The following MTM1 variants were observed in gnomAD, a reference collection of about 807,000 sequenced individuals.
The protein encoded by MTM1 is myotubularin 1.
A neutral mutation model predicts 52.1 loss-of-function variants in MTM1; 9 were observed. The ratio of observed to expected loss-of-function variants is 0.17; its 90% CI spans 0.10 to 0.30. The LOEUF (loss-of-function observed/expected upper bound fraction) is 0.30. Ranked by LOEUF, MTM1 falls within the 10% of genes least tolerant of loss-of-function variation. The pLI, the probability that MTM1 is intolerant of heterozygous loss-of-function variation, is 1.00. For missense variants in MTM1, 277 were observed against 470.7 expected (o/e 0.59, Z 3.81); for synonymous variants, 136 against 163.8 (o/e 0.83, Z 1.29).
chrX:150,606,723 T>G (rs2039163844), intron 4 of MTM1, among the ~76,000 whole-genome samples: 1 of 111,313 alleles, frequency 9.0e-6, no homozygotes, highest in African/African-American at 3.3e-5. Flanking sequence ...TTGGTTATTC[T>G]GTGTCTTACA....
At chrX:150,563,950 C>T (rs904577939), upstream of MTM1, among the ~76,000 whole-genome samples, 8 of 111,501 alleles carry the variant, frequency 7.2e-5, no homozygotes, top group East Asian at 1.7e-3. Context: ...CAGTGAAATT[C>T]GCCCATCTCA....
chrX:150,609,648 C>G (rs1292507215), intron 4 of MTM1, among the ~76,000 whole-genome samples: 7 of 111,681 alleles, frequency 6.3e-5, no homozygotes, highest in Non-Finnish European at 1.1e-4. Flanking sequence ...AAAACCCCCT[C>G]CTGTGTTCTT....
At chrX:150,632,119 G>T (rs2039681741) in intron 6 of MTM1, among the ~76,000 whole-genome samples, 1 of 111,764 alleles carries the variant, frequency 8.9e-6, no homozygotes, top group Admixed American at 9.5e-5. Flanking sequence ...CCCACTTCCT[G>T]TTCCCAAGGA....
At chrX:150,594,133 A>G (rs2038936254) in intron 2 of MTM1, among the ~76,000 whole-genome samples, 1 of 107,558 alleles carries the variant, frequency 9.3e-6, no homozygotes, top group Non-Finnish European at 1.9e-5. Flanking sequence ...TTTTTGAGAC[A>G]GAGTCTAACT....
At chrX:150,590,660 A>T (rs1038331953) in intron 1 of MTM1, among the ~76,000 whole-genome samples, 1 of 111,881 alleles carries the variant, frequency 8.9e-6, no homozygotes, top group Non-Finnish European at 1.9e-5. Flanking sequence ...ATTCATTTTA[A>T]ATTGAAATTT....
At position 150,614,581 on chromosome X, in the gene MTM1, C is replaced by T. The variant is rs782389461; in HGVS notation, c.232-8C>T. 7.5e-6 allele frequency: 8 copies of T among 1,068,488 alleles called. No homozygotes were observed. Among genetic ancestry groups the T allele is most frequent in the South Asian group, 1.9e-5 (1 of 53,259 alleles). 88.1% of individuals were successfully genotyped at this position (1,068,488 alleles called of 1,213,427 possible). ...AAATACTGACTACTGTATTTTTGTC[C>T]ATTACAGGATTCTTCTCTAATACTT... On this transcript the variant is annotated splice_polypyrimidine_tract_variant and splice_region_variant and intron_variant, in intron 4 of 14. Transcript: ENST00000370396.
At chrX:150,628,607 C>T (rs1557413472) in intron 6 of MTM1, among the ~76,000 whole-genome samples, 1 of 111,540 alleles carries the variant, frequency 9.0e-6, no homozygotes, top group Non-Finnish European at 1.9e-5. Context: ...AAATGACTCT[C>T]ATATGCCCCA....
chrX:150,571,419 T>G (rs1218909718), intron 1 of MTM1, among the ~76,000 whole-genome samples: 2 of 111,802 alleles, frequency 1.8e-5, no homozygotes, highest in African/African-American at 6.5e-5. Context: ...TGTGTGACTT[T>G]AGGCAAGGTA....
intron 1 of MTM1, among the ~76,000 whole-genome samples, chrX:150,570,066 ATGAT>A (rs2038340437): frequency 8.9e-6 from 1 of 111,780 alleles, no homozygotes; most frequent in East Asian, 2.8e-4. Flanking sequence ...TAGTTAGTAA[ATGAT>A]TGGTCTCTTT....
In MTM1 at chrX:150,610,401, G is replaced by C. The variant is rs1557412948; in HGVS notation, c.232-4188G>C. Among the ~76,000 whole-genome samples the C allele has an allele frequency of 1.9e-3, 207 of 111,439 alleles. 1 individual carries two copies. Among genetic ancestry groups the C allele is most frequent in the African/African-American group, 6.4e-3 (197 of 30,726 alleles). ...ACTTAGTGTATGAGACAGACAGACA[G>C]ACAGAGACAGAGAGAGAGAGAGAGA... On this transcript the variant is annotated intron_variant, in intron 4 of 14. Transcript: ENST00000370396.
chrX:150,567,020 T>C (rs782687547), upstream of MTM1, among the ~76,000 whole-genome samples: 13 of 111,176 alleles, frequency 1.2e-4, no homozygotes, highest in Non-Finnish European at 2.3e-4. Flanking sequence ...ATGACATCAG[T>C]ACAACAAGAA....
At chrX:150,589,289 C>T (rs1331863735) in intron 1 of MTM1, among the ~76,000 whole-genome samples, 4 of 110,900 alleles carry the variant, frequency 3.6e-5, no homozygotes, top group African/African-American at 6.6e-5. Context: ...ACCCTCTAGG[C>T]CCCCCGCATC....
chrX:150,632,006 C>T (rs1329919145), intron 6 of MTM1, among the ~76,000 whole-genome samples: 1 of 112,093 alleles, frequency 8.9e-6, no homozygotes, highest in Non-Finnish European at 1.9e-5. Flanking sequence ...TATGGTAGAA[C>T]GAGCCTCCCC....
chrX:150,588,232 G>A (rs1557412347), intron 1 of MTM1, among the ~76,000 whole-genome samples: 2 of 111,966 alleles, frequency 1.8e-5, no homozygotes, highest in African/African-American at 3.2e-5. Flanking sequence ...TGAACTTAAC[G>A]TAAATGCCAA....
At chrX:150,579,892 A>G (rs1041615069) in intron 1 of MTM1, among the ~76,000 whole-genome samples, 1 of 111,910 alleles carries the variant, frequency 8.9e-6, no homozygotes, top group African/African-American at 3.2e-5. Flanking sequence ...ATGCAGCCTT[A>G]CTAAATTTAC....
intron 1 of MTM1, among the ~76,000 whole-genome samples, chrX:150,569,120 C>G (rs1220463130): frequency 8.8e-6 from 1 of 113,770 alleles, no homozygotes; most frequent in Non-Finnish European, 1.9e-5. Flanking sequence ...CCGGTGGGCC[C>G]TGCGGAGCGG....
At chrX:150,656,005 C>G (rs933634661) in intron 10 of MTM1, among the ~76,000 whole-genome samples, 6 of 111,824 alleles carry the variant, frequency 5.4e-5, no homozygotes, top group African/African-American at 1.9e-4. Flanking sequence ...AATACTTTCA[C>G]TTTAAGTACC....
chrX:150,667,393 C>G (rs2040321652), intron 14 of MTM1, among the ~76,000 whole-genome samples: 1 of 111,797 alleles, frequency 8.9e-6, no homozygotes, highest in Non-Finnish European at 1.9e-5. Flanking sequence ...TTACCCTGCT[C>G]TAGTCTTCTG....
chrX:150,591,006 G>A, intron 1 of MTM1: 2 of 747,266 alleles, frequency 2.7e-6, no homozygotes, highest in Non-Finnish European at 3.2e-6. Flanking sequence ...CTATCTCTGA[G>A]AATAATGGGT....
Sources: gnomAD v4.1 joint callset for allele counts (sites outside exome capture counted in the v4.1 genomes callset) on GRCh38, gnomAD v4.1.1 for gene constraint, MANE v1.5 for transcripts, NCBI Gene and HGNC (gene_info 2026-07-23, HGNC 2026-07-21) for gene names.